Variants in ASIC2 observed in about 807,000 individuals in gnomAD.
ASIC2 encodes acid-sensing ion channel 2.
Under a neutral mutation model 57.3 loss-of-function variants are expected in ASIC2, and 25 were observed. The ratio of observed to expected loss-of-function variants is 0.44; its 90% CI spans 0.32 to 0.61. The LOEUF (loss-of-function observed/expected upper bound fraction) is 0.61, where lower values mean the gene tolerates loss of function less well. Ranked by LOEUF, ASIC2 falls within the 20% of genes least tolerant of loss-of-function variation. ASIC2 has a pLI of 0.06. For synonymous variants in ASIC2, 319 were observed against 307.5 expected (o/e 1.04, Z -0.39); for missense variants, 641 against 738.1 (o/e 0.87, Z 1.52).
intron 1 of ASIC2, among the ~76,000 whole-genome samples, chr17:33,951,148 GTAATAA>G (rs1429796495): frequency 2.6e-5 from 4 of 152,086 alleles, no homozygotes; most frequent in African/African-American, 9.7e-5. Context: ...ATTATGATTA[GTAATAA>G]TAATAACAAC....
At chr17:33,069,423 A>T (rs967309034) in intron 3 of ASIC2, among the ~76,000 whole-genome samples, 2 of 152,168 alleles carry the variant, frequency 1.3e-5, no homozygotes, top group Non-Finnish European at 2.9e-5. Context: ...TCAATTATTG[A>T]GAGAGGGGTT....
At chr17:33,717,159 T>C (rs1909249458) in intron 1 of ASIC2, among the ~76,000 whole-genome samples, 1 of 152,234 alleles carries the variant, frequency 6.6e-6, no homozygotes, top group Non-Finnish European at 1.5e-5. Context: ...TCAAAAAATA[T>C]GTATTCAGAG....
At chr17:33,962,788 G>A (rs192781495) in intron 1 of ASIC2, among the ~76,000 whole-genome samples, 1 of 152,124 alleles carries the variant, frequency 6.6e-6, no homozygotes, top group Non-Finnish European at 1.5e-5. Flanking sequence ...CACAGATGGG[G>A]GCCAAAGAGG....
At chr17:34,031,039 G>A (rs541720976) in intron 1 of ASIC2, among the ~76,000 whole-genome samples, 4 of 152,344 alleles carry the variant, frequency 2.6e-5, no homozygotes, top group Admixed American at 2.6e-4. Context: ...CACAGCTGGA[G>A]ATCTGAGATC....
chr17:33,787,493 T>C (rs1911641305), intron 1 of ASIC2, among the ~76,000 whole-genome samples: 1 of 152,220 alleles, frequency 6.6e-6, no homozygotes, highest in Non-Finnish European at 1.5e-5. Flanking sequence ...AAGGATCCAA[T>C]ACACTTATTG....
At chr17:33,058,088 A>G (rs2092005159) in intron 3 of ASIC2, among the ~76,000 whole-genome samples, 1 of 152,228 alleles carries the variant, frequency 6.6e-6, no homozygotes, top group Admixed American at 6.5e-5. Flanking sequence ...TATAGCCATG[A>G]AAGTCCCTGT....
intron 1 of ASIC2, among the ~76,000 whole-genome samples, chr17:33,186,154 A>T (rs573084339): frequency 6.6e-6 from 1 of 152,118 alleles, no homozygotes; most frequent in South Asian, 2.1e-4. Flanking sequence ...TTTGTTTCCC[A>T]GGCTGGAGTG....
chr17:34,106,726 T>C (rs112623279), intron 1 of ASIC2, among the ~76,000 whole-genome samples: 1,778 of 152,308 alleles, frequency 0.012, 20 homozygotes, highest in Middle Eastern at 0.075. Context: ...TTAAAGCTAG[T>C]TCCTGTGTCC....
intron 1 of ASIC2, among the ~76,000 whole-genome samples, chr17:33,919,114 C>A (rs978796654): frequency 6.6e-6 from 1 of 152,044 alleles, no homozygotes; most frequent in African/African-American, 2.4e-5. Context: ...CTAGTGCAGG[C>A]GATGGAAGAG....
At chr17:34,014,677 T>A (rs1906884082) in intron 1 of ASIC2, among the ~76,000 whole-genome samples, 1 of 152,174 alleles carries the variant, frequency 6.6e-6, no homozygotes, top group African/African-American at 2.4e-5. Flanking sequence ...GCCAATCTGG[T>A]CCAGACCTTG....
intron 1 of ASIC2, among the ~76,000 whole-genome samples, chr17:33,977,881 G>A (rs933431700): frequency 6.6e-6 from 1 of 152,170 alleles, no homozygotes; most frequent in African/African-American, 2.4e-5. Context: ...GGGGCCAGCG[G>A]TCTTGTTGGC....
chr17:34,143,260 G>A (rs1912321970), intron 1 of ASIC2, among the ~76,000 whole-genome samples: 1 of 152,188 alleles, frequency 6.6e-6, no homozygotes, highest in Non-Finnish European at 1.5e-5. Context: ...CAGTCACTAA[G>A]CTTCTCTGAG....
chr17:33,653,462 G>A (rs1051120522), intron 1 of ASIC2, among the ~76,000 whole-genome samples: 1 of 152,182 alleles, frequency 6.6e-6, no homozygotes, highest in Non-Finnish European at 1.5e-5. Context: ...CTGGGGTAGA[G>A]GGAACTCTTT....
intron 1 of ASIC2, among the ~76,000 whole-genome samples, chr17:33,403,454 CA>C (rs1446255282): frequency 1.3e-5 from 2 of 152,208 alleles, no homozygotes; most frequent in Non-Finnish European, 2.9e-5. Flanking sequence ...TACTTATGGG[CA>C]GCTGCCACAT....
At chr17:33,988,540 T>C (rs1052586663) in intron 1 of ASIC2, among the ~76,000 whole-genome samples, 1 of 152,204 alleles carries the variant, frequency 6.6e-6, no homozygotes, top group Non-Finnish European at 1.5e-5. Context: ...TTGCCCAGTC[T>C]TTATCAGCAG....
At chr17:33,637,523 C>T (rs946798318) in intron 1 of ASIC2, among the ~76,000 whole-genome samples, 1 of 152,166 alleles carries the variant, frequency 6.6e-6, no homozygotes, top group African/African-American at 2.4e-5. Context: ...CGTCTTTGTT[C>T]CCAAGTTTTG....
Position 33,879,243 on chromosome 17 carries a change from A to C in ASIC2, c.555+276735T>G, listed in dbSNP as rs532353300. ...GCTAACATCATGATGACAGGATCAA[A>C]TTCACACATAACAATATTAACCTTA... On this transcript the variant is annotated intron_variant, in intron 1 of 9. Coordinates refer to the ASIC2 transcript ENST00000359872. Among the ~76,000 whole-genome samples, 785 of 152,356 alleles carry C rather than the reference A, an allele frequency of 5.2e-3. 12 individuals carry two copies. Among genetic ancestry groups the C allele is most frequent in the Middle Eastern group, 0.017 (5 of 294 alleles).
chr17:33,229,399 G>A (rs541886124), intron 1 of ASIC2, among the ~76,000 whole-genome samples: 110 of 152,338 alleles, frequency 7.2e-4, no homozygotes, highest in African/African-American at 2.5e-3. Flanking sequence ...TGAGCATGGG[G>A]ACAGGTAGAA....
At chr17:33,395,002 C>T (rs1232763928) in intron 1 of ASIC2, among the ~76,000 whole-genome samples, 2 of 149,920 alleles carry the variant, frequency 1.3e-5, no homozygotes, top group African/African-American at 2.5e-5. Context: ...TCCATCCCTC[C>T]CTCCCTCCCT....
Sources: gnomAD v4.1 joint callset for allele counts (sites outside exome capture counted in the v4.1 genomes callset) on GRCh38, gnomAD v4.1.1 for gene constraint, MANE v1.5 for transcripts, NCBI Gene and HGNC (gene_info 2026-07-23, HGNC 2026-07-21) for gene names.